The following LAMA2 variants were observed in gnomAD, a reference collection of about 807,000 sequenced individuals.
The protein encoded by LAMA2 is laminin subunit alpha-2.
Under a neutral mutation model 364.8 loss-of-function variants are expected in LAMA2, and 269 were observed. That is an observed-to-expected ratio of 0.74 (90% CI 0.67 to 0.82). The LOEUF is 0.82. Ranked by LOEUF, LAMA2 falls within the 40% of genes least tolerant of loss-of-function variation. The pLI is 0.00. For missense variants in LAMA2, 3,807 were observed against 3,873.2 expected, an observed-to-expected ratio of 0.98 and a Z score of 0.45; for synonymous variants, 1,379 against 1,370.6, an observed-to-expected ratio of 1.01 and a Z score of -0.14.
chr6:129,033,434 T>G (rs1249772671), intron 1 of LAMA2, among the ~76,000 whole-genome samples: 1 of 152,158 alleles, frequency 6.6e-6, no homozygotes. Context: ...AAAGCATAGA[T>G]GAGTCTCTTC....
chr6:128,955,405 A>G (rs1023698897), intron 1 of LAMA2, among the ~76,000 whole-genome samples: 1 of 151,980 alleles, frequency 6.6e-6, no homozygotes, highest in Admixed American at 6.6e-5. Flanking sequence ...TAGGCACTAA[A>G]ATCTGTTTAT....
chr6:129,461,275 C>T (rs1049789852), intron 49 of LAMA2, among the ~76,000 whole-genome samples: 1 of 151,980 alleles, frequency 6.6e-6, no homozygotes, highest in African/African-American at 2.4e-5. Context: ...TAGCAAAGTA[C>T]ACTTCACATT....
intron 22 of LAMA2, among the ~76,000 whole-genome samples, chr6:129,307,863 A>G (rs1373759054): frequency 2.0e-5 from 3 of 152,210 alleles, no homozygotes; most frequent in Non-Finnish European, 2.9e-5. Flanking sequence ...AGTCGTTCCA[A>G]TTGATTCCAC....
At position 129,230,213 on chromosome 6, in the gene LAMA2, G is replaced by A. The variant is rs143475437; in HGVS notation, c.1783-19899G>A. Among the ~76,000 whole-genome samples the A allele has an allele frequency of 2.6e-5, 4 of 152,268 alleles. No individual in the cohort carries two copies. The East Asian group carries it at 7.7e-4, about 29-fold the overall frequency. On this transcript the variant is annotated intron_variant, in intron 12 of 64. Coordinates refer to ENST00000421865, the MANE Select transcript of LAMA2 (RefSeq NM_000426.4). ...GTAGAAGGAAAACCACAGAAGTCAT[G>A]TATTGAAAGTCATTTGAATGAATCA...
chr6:129,126,836 T>G (rs1434792714), intron 4 of LAMA2, among the ~76,000 whole-genome samples: 2 of 152,206 alleles, frequency 1.3e-5, no homozygotes, highest in African/African-American at 4.8e-5. Context: ...TTTGGGAGGC[T>G]GAGGCAGATG....
chr6:129,395,567 T>C (rs2114679584), intron 37 of LAMA2, among the ~76,000 whole-genome samples: 1 of 152,310 alleles, frequency 6.6e-6, no homozygotes, highest in East Asian at 1.9e-4. Flanking sequence ...GTGATTAAGA[T>C]GCAGCTTCAA....
intron 58 of LAMA2, among the ~76,000 whole-genome samples, chr6:129,492,775 T>C (rs571229543): frequency 6.6e-6 from 1 of 152,350 alleles, no homozygotes; most frequent in South Asian, 2.1e-4. Context: ...CATGTTGGTT[T>C]CCAGGCCCTT....
chr6:129,106,630 A>G (rs1258092833), intron 4 of LAMA2, among the ~76,000 whole-genome samples: 1 of 152,102 alleles, frequency 6.6e-6, no homozygotes, highest in Non-Finnish European at 1.5e-5. Flanking sequence ...ACCTCCTTAC[A>G]GTGAGGTTTA....
intron 16 of LAMA2, among the ~76,000 whole-genome samples, chr6:129,269,890 T>C (rs1787799306): frequency 6.6e-6 from 1 of 152,180 alleles, no homozygotes. Flanking sequence ...AAAAGTTTTG[T>C]TAAAAATAAA....
chr6:129,462,788 CTT>C (rs1447880282), intron 49 of LAMA2, among the ~76,000 whole-genome samples: 3 of 151,870 alleles, frequency 2.0e-5, no homozygotes, highest in Non-Finnish European at 4.4e-5. Context: ...CAGGAAAACA[CTT>C]ATCACATTTG....
chr6:129,486,649 A>T, intron 56 of LAMA2, 27 bp downstream of exon 56: 1 of 1,605,504 alleles, frequency 6.2e-7, no homozygotes, highest in Non-Finnish European at 8.5e-7. Flanking sequence ...AATATTTATT[A>T]TTGTAACTCA....
At chr6:129,076,134 G>A (rs1354049973) in intron 3 of LAMA2, among the ~76,000 whole-genome samples, 2 of 151,626 alleles carry the variant, frequency 1.3e-5, no homozygotes, top group South Asian at 2.1e-4. Context: ...AGGGACAATT[G>A]GATTTATGAG....
intron 30 of LAMA2, among the ~76,000 whole-genome samples, chr6:129,346,773 A>G (rs1197469489): frequency 5.3e-5 from 8 of 152,232 alleles, no homozygotes; most frequent in African/African-American, 1.9e-4. Flanking sequence ...AGAAATAGAT[A>G]TATAATGTAA....
In LAMA2 at chr6:129,505,361, T is replaced by A. The variant is rs777977905; in HGVS notation, c.8703+6T>A. On this transcript the variant is annotated splice_donor_region_variant and intron_variant, in intron 61 of 64. Transcript: ENST00000421865. ...CTACCCGAAGAATTGGTCCAGTAAATATCTGATTTCTTCTTTATTACTTAA... is the reference window on the plus strand; with the variant it reads ...CTACCCGAAGAATTGGTCCAGTAAAAATCTGATTTCTTCTTTATTACTTAA... 6.2e-7 allele frequency: 1 copy of A among 1,608,340 alleles called. No individual in the cohort carries two copies.
At chr6:129,172,670 G>C (rs903013690) in intron 9 of LAMA2, among the ~76,000 whole-genome samples, 1 of 152,248 alleles carries the variant, frequency 6.6e-6, no homozygotes, top group African/African-American at 2.4e-5. Context: ...ACAGAGGCAG[G>C]CAGGCCTCCT....
intron 32 of LAMA2, among the ~76,000 whole-genome samples, chr6:129,361,783 C>CTTT (rs66805881): frequency 3.9e-4 from 47 of 121,074 alleles, no homozygotes; most frequent in Middle Eastern, 4.4e-3. Flanking sequence ...TAACAGTAAC[C>CTTT]TTTTTTTTTT....
At chr6:129,468,740 T>A (rs115597846) in intron 51 of LAMA2, among the ~76,000 whole-genome samples, 242 of 152,040 alleles carry the variant, frequency 1.6e-3, no homozygotes, top group African/African-American at 5.6e-3. Context: ...TTTGATAAGA[T>A]TAGCTCTTAC....
At chr6:129,133,479 A>G (rs1777606099) in intron 4 of LAMA2, among the ~76,000 whole-genome samples, 1 of 152,178 alleles carries the variant, frequency 6.6e-6, no homozygotes, top group African/African-American at 2.4e-5. Context: ...AAAGAAGGGA[A>G]CATTCAGAGA....
chr6:128,935,618 T>C lies in LAMA2; in HGVS notation c.112+52261T>C, dbSNP rs553945358. ...TTTGTTGTTAATATAGATGCACGAC[T>C]GATTTTCATATGTTGATTTCATATC... On this transcript the variant is annotated intron_variant, in intron 1 of 64. Coordinates refer to ENST00000421865, the MANE Select transcript of LAMA2 (RefSeq NM_000426.4). Among the ~76,000 whole-genome samples, 4 of 152,330 alleles carry C rather than the reference T, an allele frequency of 2.6e-5. No individual in the cohort carries two copies. In the South Asian group the frequency reaches 6.2e-4, roughly 24 times the overall value.
Sources: gnomAD v4.1 joint callset for allele counts (sites outside exome capture counted in the v4.1 genomes callset) on GRCh38, gnomAD v4.1.1 for gene constraint, MANE v1.5 for transcripts, NCBI Gene and HGNC (gene_info 2026-07-23, HGNC 2026-07-21) for gene names.